The following RPH3A variants were observed in gnomAD, a reference collection of about 807,000 sequenced individuals.
RPH3A encodes rabphilin-3A.
A neutral mutation model predicts 102.2 loss-of-function variants in RPH3A; 48 were observed. That is an observed-to-expected ratio of 0.47 (90% CI 0.37 to 0.60). RPH3A has a LOEUF of 0.60. Among genes scored for constraint, RPH3A ranks in the 20% least tolerant of loss-of-function variants. The pLI is 0.00. For synonymous variants in RPH3A, 310 were observed against 324.3 expected (o/e 0.96, Z 0.47); for missense variants, 781 against 910.1 (o/e 0.86, Z 1.83).
At chr12:112,804,460 CCT>C (rs2041418961) in intron 2 of RPH3A, among the ~76,000 whole-genome samples, 2 of 152,230 alleles carry the variant, frequency 1.3e-5, no homozygotes, top group Admixed American at 6.5e-5. Flanking sequence ...AAACCACACC[CCT>C]GTGTGTGCCA....
At chr12:112,787,700 A>G (rs1944409672), upstream of RPH3A, among the ~76,000 whole-genome samples, 1 of 152,220 alleles carries the variant, frequency 6.6e-6, no homozygotes, top group African/African-American at 2.4e-5. Flanking sequence ...TAGTTGCTTT[A>G]GGAGTCTCAG....
intron 18 of RPH3A, 86 bp downstream of exon 18, chr12:112,890,166 CT>C: frequency 8.2e-7 from 1 of 1,216,486 alleles, no homozygotes. Flanking sequence ...TCCCTGGCCC[CT>C]TCCTCATCCA....
chr12:112,712,128 G>A (rs1293677940), intron 1 of RPH3A, among the ~76,000 whole-genome samples: 3 of 152,064 alleles, frequency 2.0e-5, no homozygotes, highest in Admixed American at 2.0e-4. Flanking sequence ...CACCATGCCC[G>A]GCCTCTGTAC....
At chr12:112,731,108 A>T (rs530460634) in intron 1 of RPH3A, among the ~76,000 whole-genome samples, 1 of 152,234 alleles carries the variant, frequency 6.6e-6, no homozygotes, top group East Asian at 1.9e-4. Flanking sequence ...GATGCTAAAT[A>T]TTGTGGATAG....
chr12:112,831,597 C>T, intron 3 of RPH3A: 12 of 221,346 alleles, frequency 5.4e-5, no homozygotes, highest in South Asian at 1.1e-4. Context: ...TTTTTTGGTT[C>T]AATGTTCAAA....
chr12:112,616,567 A>G (rs192296906), intron 1 of RPH3A, among the ~76,000 whole-genome samples: 115 of 152,354 alleles, frequency 7.5e-4, no homozygotes, highest in African/African-American at 1.3e-3. Flanking sequence ...TGGGAGAGAA[A>G]AAGTTTCCAG....
At chr12:112,660,270 A>G (rs2040040689) in intron 1 of RPH3A, among the ~76,000 whole-genome samples, 1 of 152,198 alleles carries the variant, frequency 6.6e-6, no homozygotes, top group Non-Finnish European at 1.5e-5. Context: ...ATTCAATGCC[A>G]CAGAGTTTAT....
intron 1 of RPH3A, among the ~76,000 whole-genome samples, chr12:112,778,463 C>A (rs1331098478): frequency 6.6e-6 from 1 of 152,224 alleles, no homozygotes; most frequent in African/African-American, 2.4e-5. Flanking sequence ...CTCTGGCCAT[C>A]ACTTTGAAGA....
intron 1 of RPH3A, among the ~76,000 whole-genome samples, chr12:112,784,595 T>G (rs1229682727): frequency 6.6e-6 from 1 of 152,218 alleles, no homozygotes; most frequent in East Asian, 1.9e-4. Context: ...ATTTATTTAT[T>G]CGACATTGAC....
chr12:112,850,636 C>G lies in RPH3A; in HGVS notation c.230+2794C>G, dbSNP rs919327387. ...TGCTGGTAGCATCGCCAGAGGCAAACCCAATGCTATTTGTGTCTTATAAAC... is the reference window on the plus strand; with the variant it reads ...TGCTGGTAGCATCGCCAGAGGCAAAGCCAATGCTATTTGTGTCTTATAAAC... On this transcript the variant is annotated intron_variant, in intron 5 of 21. Coordinates refer to ENST00000389385, the MANE Select transcript of RPH3A (RefSeq NM_001143854.2). 2.0e-5 allele frequency among the ~76,000 whole-genome samples: 3 copies of G among 152,204 alleles called. No individual in the cohort carries two copies. The East Asian group carries it at 5.8e-4, about 29-fold the overall frequency.
At chr12:112,824,301 G>A (rs2041830955) in intron 2 of RPH3A, among the ~76,000 whole-genome samples, 1 of 152,182 alleles carries the variant, frequency 6.6e-6, no homozygotes, top group African/African-American at 2.4e-5. Flanking sequence ...GCTTTGTGCT[G>A]CTCCCTGGTA....
chr12:112,599,260 TA>T (rs1566223283), intron 1 of RPH3A, among the ~76,000 whole-genome samples: 2 of 152,188 alleles, frequency 1.3e-5, no homozygotes, highest in African/African-American at 4.8e-5. Flanking sequence ...TGGGTGCTTA[TA>T]AGGCTTATGA....
chr12:112,611,996 A>G (rs1213828416), intron 1 of RPH3A, among the ~76,000 whole-genome samples: 1 of 152,216 alleles, frequency 6.6e-6, no homozygotes, highest in Non-Finnish European at 1.5e-5. Flanking sequence ...TGTCACTACC[A>G]CATTTCCTCT....
At chr12:112,660,818 G>A (rs2040044034) in intron 1 of RPH3A, among the ~76,000 whole-genome samples, 3 of 152,160 alleles carry the variant, frequency 2.0e-5, no homozygotes, top group African/African-American at 7.2e-5. Flanking sequence ...AATCTATGAA[G>A]TCTAGTTCCA....
intron 1 of RPH3A, among the ~76,000 whole-genome samples, chr12:112,725,806 T>TTGC (rs1158087128): frequency 1.4e-5 from 2 of 144,502 alleles, no homozygotes. Context: ...GTTGTTGTTG[T>TTGC]TGTTTTTGAG....
At chr12:112,717,965 T>C (rs1424342580) in intron 1 of RPH3A, 2 of 152,210 alleles carry the variant, frequency 1.3e-5, no homozygotes, top group African/African-American at 4.8e-5. Context: ...AGAAAGCATT[T>C]TGACCCTGCT....
chr12:112,773,836 T>C (rs2040944741), intron 1 of RPH3A, among the ~76,000 whole-genome samples: 1 of 151,852 alleles, frequency 6.6e-6, no homozygotes, highest in South Asian at 2.1e-4. Flanking sequence ...ATCCCAGCAC[T>C]TTGGGAGGCC....
At chr12:112,726,865 A>G (rs1209666490) in intron 1 of RPH3A, among the ~76,000 whole-genome samples, 1 of 151,966 alleles carries the variant, frequency 6.6e-6, no homozygotes, top group Non-Finnish European at 1.5e-5. Context: ...TCTACTAAAA[A>G]TACAAAAATT....
chr12:112,894,011 C>A (rs190797159), intron 19 of RPH3A: 1 of 153,020 alleles, frequency 6.5e-6, no homozygotes, highest in Admixed American at 6.5e-5. Flanking sequence ...CCAACACACA[C>A]GGTCTTAAGG....
Sources: allele counts gnomAD v4.1 joint callset (sites outside exome capture counted in the v4.1 genomes callset), GRCh38; gene constraint gnomAD v4.1.1; transcripts MANE v1.5; gene names NCBI Gene and HGNC (gene_info 2026-07-23, HGNC 2026-07-21).